BICD1: variants seen among roughly 807,000 people sequenced by gnomAD.
BICD1 encodes the protein BICD cargo adaptor 1, also known as protein bicaudal D homolog 1.
BICD1 carries 35 observed loss-of-function variants against 92.5 expected under a neutral mutation model. The ratio of observed to expected loss-of-function variants is 0.38; its 90% CI spans 0.29 to 0.50. The LOEUF (loss-of-function observed/expected upper bound fraction) is 0.50. Among genes scored for constraint, BICD1 ranks in the 20% least tolerant of loss-of-function variants. BICD1 has a pLI of 0.93. For synonymous variants in BICD1, 429 were observed against 465.1 expected (o/e 0.92, Z 1.00); for missense variants, 950 against 1,189.8 (o/e 0.80, Z 2.97).
intron 2 of BICD1, among the ~76,000 whole-genome samples, chr12:32,219,752 T>G (rs1945459712): frequency 6.6e-6 from 1 of 152,254 alleles, no homozygotes; most frequent in African/African-American, 2.4e-5. Flanking sequence ...CCTAGATTTT[T>G]TTCATCTAAT....
intron 1 of BICD1, among the ~76,000 whole-genome samples, chr12:32,113,256 G>A (rs1241111359): frequency 6.6e-6 from 1 of 152,158 alleles, no homozygotes; most frequent in Admixed American, 6.5e-5. Context: ...GTTACTATAT[G>A]TGGAAAGTGA....
intron 1 of BICD1, among the ~76,000 whole-genome samples, chr12:32,163,968 A>AT (rs1004765092): frequency 2.0e-5 from 3 of 150,932 alleles, no homozygotes; most frequent in Admixed American, 6.6e-5. Flanking sequence ...AAATTTCAAA[A>AT]TTTTTTTTTT....
At chr12:32,213,688 C>T (rs191468732) in intron 1 of BICD1, among the ~76,000 whole-genome samples, 12 of 152,280 alleles carry the variant, frequency 7.9e-5, no homozygotes, top group South Asian at 2.1e-4. Flanking sequence ...TGTGAGCCAC[C>T]GCACCCGGCC....
At chr12:32,108,647 A>G (rs1234734664) in intron 1 of BICD1, 1 of 697,604 alleles carries the variant, frequency 1.4e-6, no homozygotes, top group Non-Finnish European at 2.6e-6. Context: ...TGTTACAGTT[A>G]AAAGATGTGA....
intron 5 of BICD1, chr12:32,332,869 T>A: frequency 1.0e-6 from 1 of 985,430 alleles, no homozygotes; most frequent in Non-Finnish European, 1.2e-6. Context: ...AGACTTTTTT[T>A]ATTTAGAAAG....
At chr12:32,137,506 T>C (rs1288625572) in intron 1 of BICD1, among the ~76,000 whole-genome samples, 1 of 152,188 alleles carries the variant, frequency 6.6e-6, no homozygotes, top group Admixed American at 6.5e-5. Flanking sequence ...AAGAGAATCA[T>C]AGCAGAAAAG....
chr12:32,362,196 C>T (rs1398105136), intron 8 of BICD1, among the ~76,000 whole-genome samples: 1 of 152,210 alleles, frequency 6.6e-6, no homozygotes, highest in Non-Finnish European at 1.5e-5. Flanking sequence ...CCCATCTCTA[C>T]TAAAATTATA....
intron 1 of BICD1, among the ~76,000 whole-genome samples, chr12:32,151,552 A>G (rs946623746): frequency 1.3e-5 from 2 of 152,232 alleles, no homozygotes; most frequent in Non-Finnish European, 2.9e-5. Context: ...ATCGAAGGTT[A>G]TGTTCTCAGG....
intron 1 of BICD1, among the ~76,000 whole-genome samples, chr12:32,207,216 A>G (rs1488411688): frequency 1.5e-5 from 2 of 131,600 alleles, no homozygotes; most frequent in East Asian, 4.4e-4. Flanking sequence ...TTTTGTGCAT[A>G]TTCAATATGT....
chr12:32,149,200 A>T (rs1480135658), intron 1 of BICD1, among the ~76,000 whole-genome samples: 1 of 152,180 alleles, frequency 6.6e-6, no homozygotes, highest in African/African-American at 2.4e-5. Context: ...AGGAACCATG[A>T]TGCTCCTAAA....
intron 2 of BICD1, among the ~76,000 whole-genome samples, chr12:32,226,171 G>T (rs1945684054): frequency 6.6e-6 from 1 of 152,066 alleles, no homozygotes; most frequent in African/African-American, 2.4e-5. Flanking sequence ...GTCTCGCTCT[G>T]TCACCCATGC....
chr12:32,351,434 C>T (rs527320990), intron 8 of BICD1, among the ~76,000 whole-genome samples: 42 of 131,024 alleles, frequency 3.2e-4, no homozygotes, highest in African/African-American at 1.2e-3. Flanking sequence ...CTGCAGTGAG[C>T]CAAGATGGTA....
chr12:32,142,405 T>TG (rs1491461680), intron 1 of BICD1, among the ~76,000 whole-genome samples: 1 of 63,388 alleles, frequency 1.6e-5, no homozygotes, highest in African/African-American at 6.8e-5. Context: ...AGACTCTGTC[T>TG]AAAAAAAAAA....
intron 1 of BICD1, among the ~76,000 whole-genome samples, chr12:32,178,318 T>A (rs1343236130): frequency 2.0e-5 from 3 of 151,912 alleles, no homozygotes; most frequent in African/African-American, 7.2e-5. Context: ...GATGCAGGTA[T>A]GAGTGTTAAA....
At chr12:32,135,026 C>G (rs2121325034) in intron 1 of BICD1, among the ~76,000 whole-genome samples, 1 of 148,300 alleles carries the variant, frequency 6.7e-6, no homozygotes, top group African/African-American at 2.5e-5. Context: ...ATGAGTCCTC[C>G]TCTCCTCTCC....
At chr12:32,375,613 TA>T (rs1939924345) in intron 9 of BICD1, among the ~76,000 whole-genome samples, 1 of 152,168 alleles carries the variant, frequency 6.6e-6, no homozygotes. Flanking sequence ...TACCACATTT[TA>T]AAAATAGGTA....
In BICD1 at chr12:32,107,289, TC is replaced by T. The variant is rs1941508294; in HGVS notation, c.-38del. 6.6e-7 allele frequency: 1 copy of T among 1,504,250 alleles called. No homozygotes were observed. Among genetic ancestry groups the T allele is most frequent in the Admixed American group, 2.0e-5 (1 of 49,192 alleles). 93.2% of individuals were successfully genotyped at this position (1,504,250 alleles called of 1,614,324 possible). A position where few individuals can be genotyped will look rare whatever the true frequency, so the allele number is the denominator to read the frequency against. ...TTTCCCCGCCAGCTTCGCATCCATC[TC>T]CCCCACCCCGTAACCCCCTCCTGCC... is the stretch of plus-strand genomic sequence containing the variant. On this transcript the variant is annotated 5_prime_UTR_variant, in exon 1 of 10. Coordinates refer to ENST00000652176, the MANE Select transcript of BICD1 (RefSeq NM_001714.4).
At chr12:32,370,613 T>C (rs1939703988) in intron 9 of BICD1, among the ~76,000 whole-genome samples, 1 of 152,156 alleles carries the variant, frequency 6.6e-6, no homozygotes, top group African/African-American at 2.4e-5. Flanking sequence ...TCAGATTGCT[T>C]GGGTTGAATT....
At chr12:32,178,624 A>C (rs1206274508) in intron 1 of BICD1, among the ~76,000 whole-genome samples, 1 of 151,986 alleles carries the variant, frequency 6.6e-6, no homozygotes, top group Non-Finnish European at 1.5e-5. Flanking sequence ...CTTGATTAGA[A>C]TTTGATTGCC....
Sources: gnomAD v4.1 joint callset for allele counts (sites outside exome capture counted in the v4.1 genomes callset) on GRCh38, gnomAD v4.1.1 for gene constraint, MANE v1.5 for transcripts, NCBI Gene and HGNC (gene_info 2026-07-23, HGNC 2026-07-21) for gene names.